Variants in KIAA2012 observed in about 807,000 individuals in gnomAD.
The protein encoded by KIAA2012 is uncharacterized protein KIAA2012.
A neutral mutation model predicts 150.6 loss-of-function variants in KIAA2012; 125 were observed. The ratio of observed to expected loss-of-function variants is 0.83; its 90% CI spans 0.72 to 0.96. The LOEUF is 0.96. KIAA2012 is among the 40% of genes least tolerant of loss of function. The pLI, the probability that KIAA2012 is intolerant of heterozygous loss-of-function variation, is 0.00. For synonymous variants in KIAA2012, 462 were observed against 504.7 expected (o/e 0.92, Z 1.13); for missense variants, 1,219 against 1,354.9 (o/e 0.90, Z 1.57).
chr2:202,189,362 G>A (rs1022900040), intron 18 of KIAA2012, among the ~76,000 whole-genome samples: 2 of 151,714 alleles, frequency 1.3e-5, no homozygotes, highest in African/African-American at 4.8e-5. Flanking sequence ...CATGATCTCG[G>A]CTCACTGCAA....
chr2:202,134,046 A>C (rs2105942031), intron 12 of KIAA2012, among the ~76,000 whole-genome samples: 1 of 152,280 alleles, frequency 6.6e-6, no homozygotes, highest in South Asian at 2.1e-4. Context: ...AAAAAACACA[A>C]AACCATGAAG....
At chr2:202,096,592 G>C (rs759944502) in intron 4 of KIAA2012, among the ~76,000 whole-genome samples, 33 of 152,196 alleles carry the variant, frequency 2.2e-4, no homozygotes, top group Non-Finnish European at 4.3e-4. Context: ...AAGTGAGGCT[G>C]GCTGGAGGCA....
chr2:202,115,699 G>T (rs1266098910), intron 11 of KIAA2012: 2 of 150,116 alleles, frequency 1.3e-5, no homozygotes, highest in Non-Finnish European at 2.9e-5. Flanking sequence ...ACAAAGGAAA[G>T]TTCTTTAGGG....
chr2:202,194,703 C>T (rs981783099), intron 21 of KIAA2012, among the ~76,000 whole-genome samples: 9 of 151,526 alleles, frequency 5.9e-5, no homozygotes, highest in Non-Finnish European at 1.3e-4. Context: ...GGCAGACTTT[C>T]AGGTGCTGAT....
At chr2:202,120,542 C>T (rs900461766) in intron 11 of KIAA2012, among the ~76,000 whole-genome samples, 4 of 152,314 alleles carry the variant, frequency 2.6e-5, no homozygotes, top group Admixed American at 2.6e-4. Context: ...CACACAGCTT[C>T]TAGTCCCTCT....
intron 22 of KIAA2012, chr2:202,201,610 G>C (rs1421867709): frequency 5.6e-6 from 9 of 1,610,152 alleles, no homozygotes; most frequent in Admixed American, 3.3e-5. Context: ...GGACCAACTG[G>C]ATAATAAGCC....
At chr2:202,202,131 C>A (rs1692541996) in intron 22 of KIAA2012, among the ~76,000 whole-genome samples, 1 of 152,210 alleles carries the variant, frequency 6.6e-6, no homozygotes, top group African/African-American at 2.4e-5. Context: ...CGATTGCAGG[C>A]ATGAGCCACT....
rs1348017690 is a variant in KIAA2012, at chr2:202,075,146, G to T, written c.340G>T (p.Glu114Ter). 6.5e-7 allele frequency: 1 copy of T among 1,548,452 alleles called. No homozygotes were observed. ...LELHTLQDLK[E>*]AILAYGRQQG... ...ACTGCACACACTTCAAGACCTCAAA[G>T]AAGCCATCCTGGCATATGGAAGGCA... Residue 114 changes from glutamate to a stop codon, truncating the protein, a stop_gained, in exon 2 of 24, where the codon GAA (glutamate) becomes TAA (stop). Transcript: ENST00000498697. LOFTEE classifies it high-confidence loss of function.
At chr2:202,081,820 T>C (rs1689457480) in intron 2 of KIAA2012, among the ~76,000 whole-genome samples, 1 of 152,188 alleles carries the variant, frequency 6.6e-6, no homozygotes, top group Admixed American at 6.5e-5. Flanking sequence ...GTGCTGGGAT[T>C]ACAGGCATGA....
intron 22 of KIAA2012, chr2:202,197,255 C>G (rs1216871827): frequency 1.3e-5 from 8 of 620,946 alleles, no homozygotes; most frequent in Non-Finnish European, 2.2e-5. Flanking sequence ...TACGTCAACC[C>G]CCTAGTTTAT....
At chr2:202,175,866 CTG>C (rs1204970348) in intron 15 of KIAA2012, among the ~76,000 whole-genome samples, 2 of 152,196 alleles carry the variant, frequency 1.3e-5, no homozygotes, top group Non-Finnish European at 1.5e-5. Context: ...AAAAATAAAA[CTG>C]TGTGCTATTG....
At chr2:202,090,650 G>A in intron 2 of KIAA2012, 120 bp from the exon 3 acceptor site, 1 of 1,181,530 alleles carries the variant, frequency 8.5e-7, no homozygotes. Flanking sequence ...TGTTTTTGGT[G>A]CCTTCTGGCA....
intron 14 of KIAA2012, among the ~76,000 whole-genome samples, chr2:202,156,952 ATATT>A (rs1419653181): frequency 6.6e-6 from 1 of 152,186 alleles, no homozygotes; most frequent in Non-Finnish European, 1.5e-5. Context: ...AATTGCTTGT[ATATT>A]TAGTATCCAC....
chr2:202,189,295 C>CTTT (rs767226517), intron 18 of KIAA2012, among the ~76,000 whole-genome samples: 2 of 143,382 alleles, frequency 1.4e-5, no homozygotes, highest in African/African-American at 2.5e-5. Context: ...GAAATAGAAC[C>CTTT]TTTTTTTTTT....
At chr2:202,195,818 T>G (rs1692403504) in intron 21 of KIAA2012, among the ~76,000 whole-genome samples, 1 of 152,226 alleles carries the variant, frequency 6.6e-6, no homozygotes, top group Non-Finnish European at 1.5e-5. Context: ...TTAATGTAAG[T>G]CCTCCTAGGA....
At chr2:202,203,998 T>G (rs970614114) in intron 23 of KIAA2012, among the ~76,000 whole-genome samples, 5 of 151,994 alleles carry the variant, frequency 3.3e-5, no homozygotes, top group Admixed American at 3.3e-4. Flanking sequence ...CTCGATCTCC[T>G]GACCTTGTGA....
intron 2 of KIAA2012, among the ~76,000 whole-genome samples, chr2:202,081,609 G>A (rs143129554): frequency 0.015 from 2,161 of 147,894 alleles, 44 homozygotes; most frequent in South Asian, 0.094. Context: ...GTGCAATGGC[G>A]CGATCTCAGC....
At chr2:202,168,063 C>G (rs1574302762) in intron 15 of KIAA2012, among the ~76,000 whole-genome samples, 1 of 151,994 alleles carries the variant, frequency 6.6e-6, no homozygotes, top group African/African-American at 2.4e-5. Context: ...GGGATACTAA[C>G]AGTACTTATC....
At chr2:202,175,328 A>C (rs1231461250) in intron 15 of KIAA2012, among the ~76,000 whole-genome samples, 1 of 152,216 alleles carries the variant, frequency 6.6e-6, no homozygotes, top group East Asian at 1.9e-4. Context: ...AATTTTAAAA[A>C]TCCCCAACAG....
Sources: allele counts gnomAD v4.1 joint callset (sites outside exome capture counted in the v4.1 genomes callset), GRCh38; gene constraint gnomAD v4.1.1; transcripts MANE v1.5; gene names NCBI Gene and HGNC (gene_info 2026-07-23, HGNC 2026-07-21).